Variants in DTNA observed in about 807,000 individuals in gnomAD.
DTNA encodes the protein dystrophin-related protein 3.
A neutral mutation model predicts 100.7 loss-of-function variants in DTNA; 43 were observed. That is an observed-to-expected ratio of 0.43 (90% confidence interval 0.33 to 0.55). The LOEUF (loss-of-function observed/expected upper bound fraction) is 0.55. Ranked by LOEUF, DTNA falls within the 20% of genes least tolerant of loss-of-function variation. The probability of loss-of-function intolerance (pLI) is 0.04; values close to 1 mark genes in which losing one functional copy is unlikely to be tolerated. For synonymous variants in DTNA, 349 were observed against 347.9 expected, an observed-to-expected ratio of 1.00 and a Z score of -0.04; for missense variants, 798 against 953.9, an observed-to-expected ratio of 0.84 and a Z score of 2.15.
intron 1 of DTNA, among the ~76,000 whole-genome samples, chr18:34,739,489 G>T (rs2090231912): frequency 6.6e-6 from 1 of 152,168 alleles, no homozygotes; most frequent in Non-Finnish European, 1.5e-5. Context: ...TTTCCAGACA[G>T]ATGTGCCACA....
At chr18:34,854,742 G>A (rs1336091159) in intron 15 of DTNA, among the ~76,000 whole-genome samples, 1 of 152,174 alleles carries the variant, frequency 6.6e-6, no homozygotes, top group Non-Finnish European at 1.5e-5. Flanking sequence ...CCATCCATTG[G>A]GGAAGGGACC....
intron 1 of DTNA, among the ~76,000 whole-genome samples, chr18:34,564,857 C>A (rs1441273795): frequency 6.6e-6 from 1 of 152,116 alleles, no homozygotes; most frequent in Admixed American, 6.6e-5. Flanking sequence ...TGAGTGCATG[C>A]ATGTGTGTGG....
chr18:34,540,295 AG>A (rs2044125380), intron 1 of DTNA, among the ~76,000 whole-genome samples: 1 of 152,048 alleles, frequency 6.6e-6, no homozygotes, highest in African/African-American at 2.4e-5. Flanking sequence ...TGGAAAGGAA[AG>A]AATAGAACAC....
At chr18:34,697,935 C>T (rs1278298578) in intron 1 of DTNA, among the ~76,000 whole-genome samples, 3 of 152,166 alleles carry the variant, frequency 2.0e-5, no homozygotes, top group African/African-American at 7.2e-5. Context: ...GCAAAAGAAC[C>T]TCATCATCCT....
chr18:34,793,827 G>C (rs2094853731), intron 3 of DTNA, among the ~76,000 whole-genome samples: 1 of 152,180 alleles, frequency 6.6e-6, no homozygotes, highest in Non-Finnish European at 1.5e-5. Context: ...ATCTATTGTG[G>C]TGGTCAGTAA....
intron 5 of DTNA, among the ~76,000 whole-genome samples, chr18:34,811,410 C>T (rs2095483393): frequency 6.6e-6 from 1 of 152,308 alleles, no homozygotes; most frequent in South Asian, 2.1e-4. Flanking sequence ...AGAAAGTTTT[C>T]TTCTTCTGTA....
At chr18:34,811,309 A>G (rs2095480771) in intron 5 of DTNA, among the ~76,000 whole-genome samples, 1 of 152,178 alleles carries the variant, frequency 6.6e-6, no homozygotes, top group East Asian at 1.9e-4. Context: ...CTCATTGATC[A>G]TCCACAAGAC....
chr18:34,667,508 C>T (rs1038284421), intron 1 of DTNA, among the ~76,000 whole-genome samples: 77 of 152,292 alleles, frequency 5.1e-4, no homozygotes, highest in Non-Finnish European at 9.4e-4. Flanking sequence ...TGCCAGTTTT[C>T]AAAGGGAATG....
intron 1 of DTNA, among the ~76,000 whole-genome samples, chr18:34,675,430 C>T (rs1169951984): frequency 2.0e-5 from 3 of 151,998 alleles, no homozygotes; most frequent in Non-Finnish European, 4.4e-5. Flanking sequence ...AAAATTTCTG[C>T]TTGGATTCCT....
intron 5 of DTNA, among the ~76,000 whole-genome samples, chr18:34,810,654 A>C (rs771405744): frequency 1.3e-5 from 2 of 152,180 alleles, no homozygotes; most frequent in Non-Finnish European, 2.9e-5. Flanking sequence ...ATAGTTAACA[A>C]AATTTTATTG....
chr18:34,498,474 TAA>T (rs1266793188), intron 1 of DTNA, among the ~76,000 whole-genome samples: 1 of 145,118 alleles, frequency 6.9e-6, no homozygotes, highest in Non-Finnish European at 1.5e-5. Flanking sequence ...ATAATAATAA[TAA>T]TAATAATTTA....
intron 1 of DTNA, among the ~76,000 whole-genome samples, chr18:34,635,313 G>A (rs1409360451): frequency 6.6e-6 from 1 of 152,132 alleles, no homozygotes; most frequent in Non-Finnish European, 1.5e-5. Context: ...TTTAAATAAT[G>A]CTGCAATTAA....
intron 19 of DTNA, 116 bp from the exon 20 acceptor site, chr18:34,879,435 G>T: frequency 1.0e-6 from 1 of 985,558 alleles, no homozygotes. Flanking sequence ...ATTAAAATAT[G>T]ATAACTGGTT....
intron 1 of DTNA, among the ~76,000 whole-genome samples, chr18:34,525,383 C>A (rs1009475694): frequency 1.3e-5 from 2 of 152,120 alleles, no homozygotes; most frequent in Non-Finnish European, 2.9e-5. Flanking sequence ...ACTGTACTTT[C>A]TCGCACACTG....
At chr18:34,559,434 A>C (rs964410499) in intron 1 of DTNA, among the ~76,000 whole-genome samples, 1 of 152,234 alleles carries the variant, frequency 6.6e-6, no homozygotes, top group African/African-American at 2.4e-5. Context: ...CTTAATTGAA[A>C]TATGAAAGCT....
intron 1 of DTNA, among the ~76,000 whole-genome samples, chr18:34,737,048 T>C (rs187177586): frequency 2.1e-3 from 324 of 152,326 alleles, no homozygotes; most frequent in African/African-American, 7.7e-3. Flanking sequence ...TTTGTATTCA[T>C]TTTTAAACAG....
Position 34,838,148 on chromosome 18 carries a change from T to C in DTNA, c.1230T>C (p.Ala410=). 6.2e-7 allele frequency: 1 copy of C among 1,613,880 alleles called. No homozygotes were observed. The change falls in exon 12 of 23, where the codon GCT becomes GCC. Residue 410 remains alanine, a synonymous_variant. Transcript: ENST00000444659. The stretch of plus-strand genomic sequence containing the variant: ...AGAACAAACTGCTGGCTAGGGCTGC[T>C]CCAGCTTTTCTGAAGGGCAAAGGGT... ...VEQNKLLARA[A]PAFLKGKGIQ... is the part of the protein sequence containing the mutation.
Position 34,595,516 on chromosome 18 carries a change from A to G in DTNA, c.-2+102002A>G, listed in dbSNP as rs2050415999. Among the ~76,000 whole-genome samples the G allele has an allele frequency of 3.3e-5, 5 of 152,198 alleles. No homozygotes were observed. In the South Asian group the frequency reaches 1.0e-3, roughly 32 times the overall value. ...CTATTATATCACTTTTATAGTTTCT[A>G]ATTCTTGTATAAAATTGTCAATCTT... On this transcript the variant is annotated intron_variant, in intron 1 of 19. Transcript: ENST00000283365.
At chr18:34,622,451 G>A (rs1367979368) in intron 1 of DTNA, among the ~76,000 whole-genome samples, 1 of 152,108 alleles carries the variant, frequency 6.6e-6, no homozygotes, top group Admixed American at 6.5e-5. Flanking sequence ...GTTAATTTGA[G>A]GTGTCAACTT....
Sources: gnomAD v4.1 joint callset for allele counts (sites outside exome capture counted in the v4.1 genomes callset) on GRCh38, gnomAD v4.1.1 for gene constraint, MANE v1.5 for transcripts, NCBI Gene and HGNC (gene_info 2026-07-23, HGNC 2026-07-21) for gene names.